The following PLCB1 variants were observed in gnomAD, a reference collection of about 807,000 sequenced individuals.
PLCB1 encodes 1-phosphatidylinositol 4,5-bisphosphate phosphodiesterase beta-1.
PLCB1 carries 46 observed loss-of-function variants against 161.8 expected under a neutral mutation model. The ratio of observed to expected loss-of-function variants is 0.28; its 90% CI spans 0.22 to 0.36. The LOEUF (loss-of-function observed/expected upper bound fraction) is 0.36, where lower values mean the gene tolerates loss of function less well. PLCB1 is among the 10% of genes least tolerant of loss of function. PLCB1 has a pLI of 1.00. For missense variants in PLCB1, 1,016 were observed against 1,472.5 expected (o/e 0.69, Z 5.07); for synonymous variants, 517 against 503.7 (o/e 1.03, Z -0.35).
At chr20:8,444,501 A>G (rs1474497979) in intron 3 of PLCB1, among the ~76,000 whole-genome samples, 2 of 152,194 alleles carry the variant, frequency 1.3e-5, no homozygotes, top group African/African-American at 2.4e-5. Flanking sequence ...TAGTGCCGCA[A>G]TAAACATACG....
At chr20:8,549,492 T>A (rs1405121792) in intron 3 of PLCB1, among the ~76,000 whole-genome samples, 2 of 152,170 alleles carry the variant, frequency 1.3e-5, no homozygotes, top group Non-Finnish European at 2.9e-5. Flanking sequence ...ATTGTAATGA[T>A]CCCCATGTGT....
intron 16 of PLCB1, among the ~76,000 whole-genome samples, chr20:8,725,348 GAA>G (rs900065085): frequency 2.6e-5 from 4 of 152,076 alleles, no homozygotes; most frequent in Non-Finnish European, 5.9e-5. Flanking sequence ...GTTCTTTTAT[GAA>G]AATGCCCCTT....
chr20:8,298,262 T>C (rs1198944478), intron 2 of PLCB1, among the ~76,000 whole-genome samples: 1 of 145,832 alleles, frequency 6.9e-6, no homozygotes, highest in Non-Finnish European at 1.5e-5. Context: ...ACCACTGCAC[T>C]CCATACTGTG....
chr20:8,230,433 C>A (rs774460742), intron 2 of PLCB1, among the ~76,000 whole-genome samples: 9 of 151,964 alleles, frequency 5.9e-5, no homozygotes, highest in Non-Finnish European at 8.8e-5. Flanking sequence ...TCTCTCCTAG[C>A]TATTTTGAAA....
intron 3 of PLCB1, among the ~76,000 whole-genome samples, chr20:8,562,482 C>T (rs909929692): frequency 7.2e-5 from 11 of 152,066 alleles, no homozygotes; most frequent in Non-Finnish European, 1.2e-4. Context: ...GGCAGAAAGC[C>T]GGTTAAGTGT....
intron 3 of PLCB1, among the ~76,000 whole-genome samples, chr20:8,621,451 A>G (rs768331024): frequency 6.6e-6 from 1 of 152,220 alleles, no homozygotes; most frequent in Non-Finnish European, 1.5e-5. Context: ...CTAGTTTTCA[A>G]ATTGCTATAG....
intron 2 of PLCB1, among the ~76,000 whole-genome samples, chr20:8,362,923 A>G (rs1391578194): frequency 2.0e-5 from 3 of 152,146 alleles, no homozygotes; most frequent in African/African-American, 4.8e-5. Context: ...TATTATGTAC[A>G]TAGGGTCAAT....
intron 12 of PLCB1, chr20:8,715,962 G>A (rs1979284721): frequency 1.2e-5 from 4 of 323,646 alleles, no homozygotes; most frequent in Admixed American, 4.4e-5. Context: ...AAAAGGGACT[G>A]AGCCTCTAAC....
At chr20:8,231,995 C>A (rs890651427) in intron 2 of PLCB1, among the ~76,000 whole-genome samples, 1 of 152,106 alleles carries the variant, frequency 6.6e-6, no homozygotes, top group Non-Finnish European at 1.5e-5. Context: ...AATCTATCAT[C>A]TTTTCAGCCA....
intron 3 of PLCB1, among the ~76,000 whole-genome samples, chr20:8,556,423 A>C (rs143538572): frequency 3.3e-5 from 5 of 152,212 alleles, no homozygotes; most frequent in Admixed American, 6.6e-5. Flanking sequence ...GACAACCCTA[A>C]ATACTGGAAG....
At chr20:8,282,906 C>T (rs1193024845) in intron 2 of PLCB1, among the ~76,000 whole-genome samples, 1 of 148,774 alleles carries the variant, frequency 6.7e-6, no homozygotes, top group African/African-American at 2.5e-5. Context: ...AACAGACATC[C>T]AAGTGTCTTA....
chr20:8,741,696 A>G (rs1980890464), intron 23 of PLCB1, 123 bp downstream of exon 23: 6 of 635,648 alleles, frequency 9.4e-6, no homozygotes. Flanking sequence ...CAACACTTTC[A>G]TGCAGTTTAG....
intron 2 of PLCB1, among the ~76,000 whole-genome samples, chr20:8,189,423 G>A (rs2123106156): frequency 6.6e-6 from 1 of 151,372 alleles, no homozygotes; most frequent in East Asian, 1.9e-4. Context: ...ATGATGTAGG[G>A]TTTCCTTTAT....
chr20:8,827,602 T>A (rs1985767904), intron 31 of PLCB1, among the ~76,000 whole-genome samples: 1 of 152,250 alleles, frequency 6.6e-6, no homozygotes, highest in African/African-American at 2.4e-5. Flanking sequence ...GTGCTCAGTG[T>A]TCCCATGTAG....
intron 3 of PLCB1, among the ~76,000 whole-genome samples, chr20:8,417,232 G>A (rs772768610): frequency 5.1e-4 from 76 of 149,788 alleles, no homozygotes; most frequent in Admixed American, 1.3e-3. Context: ...GACTACAGGC[G>A]CCCACCACCA....
intron 3 of PLCB1, among the ~76,000 whole-genome samples, chr20:8,372,858 C>T (rs1440735335): frequency 1.3e-5 from 2 of 152,094 alleles, no homozygotes; most frequent in African/African-American, 2.4e-5. Flanking sequence ...ATTTCAATAT[C>T]GATATTAGTT....
intron 2 of PLCB1, among the ~76,000 whole-genome samples, chr20:8,202,369 A>C (rs909304977): frequency 6.6e-6 from 1 of 152,204 alleles, no homozygotes; most frequent in Admixed American, 6.5e-5. Context: ...GCCACTGCGC[A>C]CAGCCTATAA....
chr20:8,450,786 G>A (rs1981041736), intron 3 of PLCB1, among the ~76,000 whole-genome samples: 1 of 152,090 alleles, frequency 6.6e-6, no homozygotes. Context: ...GTAAGATTAG[G>A]CTAAGAAGAA....
intron 2 of PLCB1, among the ~76,000 whole-genome samples, chr20:8,329,058 G>GGGCTCAA (rs1264341054): frequency 6.6e-6 from 1 of 152,118 alleles, no homozygotes; most frequent in Admixed American, 6.5e-5. Context: ...TGACTCAATT[G>GGGCTCAA]GTTAGTTTGA....
Sources: gnomAD v4.1 joint callset for allele counts (sites outside exome capture counted in the v4.1 genomes callset) on GRCh38, gnomAD v4.1.1 for gene constraint, MANE v1.5 for transcripts, NCBI Gene and HGNC (gene_info 2026-07-23, HGNC 2026-07-21) for gene names.